The following GPC6 variants were observed in gnomAD, a reference collection of about 807,000 sequenced individuals.
The protein encoded by GPC6 is glypican-6.
GPC6 carries 14 observed loss-of-function variants against 55.2 expected under a neutral mutation model. The observed-to-expected ratio is 0.25, with a 90% confidence interval of 0.17 to 0.40. GPC6 has a LOEUF of 0.40. GPC6 is among the 10% of genes least tolerant of loss of function. GPC6 has a pLI of 1.00. For missense variants in GPC6, 641 were observed against 708.5 expected, an observed-to-expected ratio of 0.90 and a Z score of 1.08; for synonymous variants, 278 against 259.6, an observed-to-expected ratio of 1.07 and a Z score of -0.68.
At chr13:93,675,395 C>T (rs1405988256) in intron 2 of GPC6, among the ~76,000 whole-genome samples, 1 of 151,834 alleles carries the variant, frequency 6.6e-6, no homozygotes, top group African/African-American at 2.4e-5. Flanking sequence ...TTCAGAGGCA[C>T]AAATATATAT....
chr13:93,992,952 C>A (rs542870214), intron 3 of GPC6, among the ~76,000 whole-genome samples: 1 of 152,286 alleles, frequency 6.6e-6, no homozygotes, highest in South Asian at 2.1e-4. Flanking sequence ...TAGCAGGCCT[C>A]ATTGAGAATT....
intron 4 of GPC6, among the ~76,000 whole-genome samples, chr13:94,065,433 G>C (rs1884483697): frequency 6.6e-6 from 1 of 152,158 alleles, no homozygotes; most frequent in Admixed American, 6.5e-5. Flanking sequence ...GGGAGGTCTT[G>C]CATGGTATTC....
At chr13:94,039,061 G>A (rs556178114) in intron 4 of GPC6, among the ~76,000 whole-genome samples, 7 of 151,926 alleles carry the variant, frequency 4.6e-5, no homozygotes, top group Admixed American at 2.0e-4. Context: ...GTGACACCAG[G>A]GGGGGAAAAA....
At chr13:93,944,304 C>T (rs1460287803) in intron 3 of GPC6, among the ~76,000 whole-genome samples, 1 of 152,026 alleles carries the variant, frequency 6.6e-6, no homozygotes, top group Non-Finnish European at 1.5e-5. Context: ...CCCAGGTTCA[C>T]GCCATTCTCC....
At chr13:94,021,480 A>G (rs988492197) in intron 3 of GPC6, among the ~76,000 whole-genome samples, 3 of 152,056 alleles carry the variant, frequency 2.0e-5, no homozygotes, top group Non-Finnish European at 2.9e-5. Flanking sequence ...AGTCCCGTTT[A>G]GAAAACATAA....
intron 3 of GPC6, among the ~76,000 whole-genome samples, chr13:93,983,030 G>A (rs1230683238): frequency 6.6e-6 from 1 of 152,140 alleles, no homozygotes; most frequent in African/African-American, 2.4e-5. Flanking sequence ...TGGAGTTTTT[G>A]TCGTTGAAAA....
chr13:94,364,029 CT>C lies in GPC6; in HGVS notation c.1153-18378del, dbSNP rs986827316. On this transcript the variant is annotated intron_variant, in intron 6 of 8. Transcript: ENST00000377047. ...TAACATTGAAGTTAGCTTCAACTTA[CT>C]TTTTTTAAAATGTGGCAACTAGAAA... 2.0e-5 allele frequency among the ~76,000 whole-genome samples: 3 copies of C among 152,312 alleles called. 1 individual carries two copies. Among genetic ancestry groups the C allele is most frequent in the African/African-American group, 7.2e-5 (3 of 41,576 alleles).
intron 4 of GPC6, among the ~76,000 whole-genome samples, chr13:94,035,884 T>C (rs1466961415): frequency 6.6e-6 from 1 of 152,038 alleles, no homozygotes; most frequent in Non-Finnish European, 1.5e-5. Flanking sequence ...ATCATGTCTT[T>C]ATATTTGAGT....
intron 1 of GPC6, among the ~76,000 whole-genome samples, chr13:93,413,965 G>A (rs1370501300): frequency 2.0e-5 from 3 of 152,084 alleles, no homozygotes; most frequent in African/African-American, 7.2e-5. Context: ...TAACTTTCTT[G>A]TGACACAATT....
chr13:93,597,302 T>C (rs1877803453), intron 2 of GPC6, among the ~76,000 whole-genome samples: 1 of 152,184 alleles, frequency 6.6e-6, no homozygotes, highest in African/African-American at 2.4e-5. Flanking sequence ...TATAGAGATA[T>C]CAGAGCAGAC....
At chr13:93,352,774 G>A (rs1880678052) in intron 1 of GPC6, among the ~76,000 whole-genome samples, 1 of 152,070 alleles carries the variant, frequency 6.6e-6, no homozygotes, top group Admixed American at 6.6e-5. Context: ...CAAATCTCAC[G>A]GTGTCTGAGC....
intron 2 of GPC6, among the ~76,000 whole-genome samples, chr13:93,546,013 C>T (rs998987874): frequency 3.9e-5 from 6 of 152,092 alleles, no homozygotes; most frequent in Admixed American, 2.0e-4. Flanking sequence ...TTACAAATTA[C>T]GACTGAAATT....
intron 3 of GPC6, among the ~76,000 whole-genome samples, chr13:94,012,355 G>A (rs542969401): frequency 1.3e-5 from 2 of 152,246 alleles, no homozygotes; most frequent in East Asian, 3.9e-4. Flanking sequence ...TCCCACTGCT[G>A]CTTTGAGCCA....
chr13:93,874,862 T>G (rs753849824), intron 3 of GPC6, among the ~76,000 whole-genome samples: 8 of 151,906 alleles, frequency 5.3e-5, no homozygotes, highest in Non-Finnish European at 8.8e-5. Flanking sequence ...ACCATTTTAT[T>G]TTCTCCTTAA....
chr13:93,553,560 G>T (rs1458857200), intron 2 of GPC6, among the ~76,000 whole-genome samples: 1 of 151,592 alleles, frequency 6.6e-6, no homozygotes, highest in African/African-American at 2.4e-5. Context: ...CTGGGCACGG[G>T]GGCATGCGCC....
intron 4 of GPC6, among the ~76,000 whole-genome samples, chr13:94,068,497 C>T (rs1884615974): frequency 6.6e-6 from 1 of 152,208 alleles, no homozygotes; most frequent in Admixed American, 6.5e-5. Flanking sequence ...GCCTTCCCAA[C>T]AGTCCCCCAA....
chr13:93,279,130 G>C (rs1024297379), intron 1 of GPC6, among the ~76,000 whole-genome samples: 1 of 152,194 alleles, frequency 6.6e-6, no homozygotes, highest in Non-Finnish European at 1.5e-5. Context: ...GAATGGTCTT[G>C]CTAGAATATC....
chr13:93,672,631 CAGTGTCTGAT>C (rs1566479562), intron 2 of GPC6, among the ~76,000 whole-genome samples: 1 of 148,868 alleles, frequency 6.7e-6, no homozygotes, highest in African/African-American at 2.5e-5. Context: ...AGAGCATTCT[CAGTGTCTGAT>C]ATATATATAT....
chr13:93,461,762 C>T (rs761662667), intron 1 of GPC6, among the ~76,000 whole-genome samples: 57 of 152,154 alleles, frequency 3.7e-4, no homozygotes, highest in Admixed American at 1.3e-4. Flanking sequence ...AGTCAACATT[C>T]TGTGCTCTGA....
Sources: allele counts gnomAD v4.1 joint callset (sites outside exome capture counted in the v4.1 genomes callset), GRCh38; gene constraint gnomAD v4.1.1; transcripts MANE v1.5; gene names NCBI Gene and HGNC (gene_info 2026-07-23, HGNC 2026-07-21).